Variants in PCDH11Y observed in about 807,000 individuals in gnomAD.
PCDH11Y encodes the protein protocadherin-11 Y-linked.
For synonymous variants in PCDH11Y, 9 were observed against 83.6 expected (o/e 0.11, Z 4.87); for missense variants, 12 against 224.8 (o/e 0.05, Z 6.05).
intron 2 of PCDH11Y, among the ~76,000 whole-genome samples, chrY:5,258,629 T>C: frequency 3.1e-5 from 1 of 32,389 alleles, no homozygotes; most frequent in South Asian, 6.8e-4. Context: ...CCTCTTGTTA[T>C]TGATTTCTAG....
At chrY:5,551,622 A>T in intron 3 of PCDH11Y, among the ~76,000 whole-genome samples, 1 of 32,355 alleles carries the variant, frequency 3.1e-5, no homozygotes, top group Non-Finnish European at 7.6e-5. Context: ...AGAAAACAGC[A>T]GAAGCAGGAA....
intron 3 of PCDH11Y, among the ~76,000 whole-genome samples, chrY:5,041,078 TC>T (rs2052607304): frequency 3.1e-5 from 1 of 32,032 alleles, no homozygotes; most frequent in Non-Finnish European, 7.6e-5. Context: ...TTTTTTTTTT[TC>T]CTTTCTTTTT....
intron 2 of PCDH11Y, among the ~76,000 whole-genome samples, chrY:5,232,400 G>A: frequency 3.1e-5 from 1 of 31,973 alleles, no homozygotes; most frequent in African/African-American, 1.2e-4. Flanking sequence ...GTTAGCAGAC[G>A]ATAAAAGCTG....
intron 2 of PCDH11Y, among the ~76,000 whole-genome samples, chrY:5,113,453 C>T (rs2052804569): frequency 3.2e-5 from 1 of 31,557 alleles, no homozygotes; most frequent in Non-Finnish European, 7.7e-5. Flanking sequence ...CGGAGTTTAC[C>T]ATGAGTTCAG....
At chrY:5,020,735 A>G (rs2052568583) in intron 1 of PCDH11Y, among the ~76,000 whole-genome samples, 3 of 33,813 alleles carry the variant, frequency 8.9e-5, no homozygotes, top group Non-Finnish European at 1.5e-4. Flanking sequence ...TGTGTTCATA[A>G]GTAAATAAAT....
intron 2 of PCDH11Y, among the ~76,000 whole-genome samples, chrY:5,202,226 A>G (rs1602885638): frequency 3.1e-5 from 1 of 32,654 alleles, no homozygotes; most frequent in Non-Finnish European, 7.5e-5. Flanking sequence ...ATAATTTACA[A>G]TGTCATCACC....
In PCDH11Y at chrY:5,635,137, G is replaced by T; in HGVS notation, c.3352+53339G>T. On this transcript the variant is annotated intron_variant, in intron 4 of 4. Transcript: ENST00000400457. The stretch of plus-strand genomic sequence containing the variant: ...AATTGTTCTCTTGAAATGTTATACT[G>T]CTCATGATTCAGTAAATGGGTATAG... Among the ~76,000 whole-genome samples the T allele has an allele frequency of 1.8e-4, 6 of 33,170 alleles. No individual in the cohort carries two copies. The South Asian group carries it at 2.0e-3, about 11-fold the overall frequency. The allele number at this position is 33,170 out of a possible 37,273, so 89.0% of individuals were successfully genotyped here. A position where few individuals can be genotyped will look rare whatever the true frequency, so the allele number is the denominator to read the frequency against.
chrY:5,222,662 A>C, intron 2 of PCDH11Y, among the ~76,000 whole-genome samples: 2 of 32,112 alleles, frequency 6.2e-5, no homozygotes, highest in Non-Finnish European at 1.5e-4. Flanking sequence ...ATGCCCTGCT[A>C]ATCTGTGTAT....
intron 4 of PCDH11Y, among the ~76,000 whole-genome samples, chrY:5,725,014 C>T: frequency 6.0e-5 from 2 of 33,373 alleles, no homozygotes; most frequent in Admixed American, 2.7e-4. Flanking sequence ...GTGGCTGACG[C>T]CTGTAATCCC....
intron 2 of PCDH11Y, among the ~76,000 whole-genome samples, chrY:5,179,155 G>T (rs2052897140): frequency 3.0e-5 from 1 of 33,251 alleles, no homozygotes; most frequent in African/African-American, 1.2e-4. Flanking sequence ...TAATGGGATT[G>T]TTGGGTTAAA....
At chrY:5,423,322 G>T in intron 2 of PCDH11Y, among the ~76,000 whole-genome samples, 1 of 32,875 alleles carries the variant, frequency 3.0e-5, no homozygotes, top group Non-Finnish European at 7.5e-5. Flanking sequence ...GTGCATTGTT[G>T]GTTGGAATGT....
intron 3 of PCDH11Y, among the ~76,000 whole-genome samples, chrY:5,039,643 A>G: frequency 1.2e-4 from 4 of 33,574 alleles, no homozygotes; most frequent in Admixed American, 1.1e-3. Flanking sequence ...TAAAAACCAA[A>G]AAGTCTCCCA....
chrY:5,144,480 T>A, intron 2 of PCDH11Y, among the ~76,000 whole-genome samples: 3 of 32,867 alleles, frequency 9.1e-5, no homozygotes, highest in Non-Finnish European at 2.3e-4. Flanking sequence ...AAACTCTGTA[T>A]CTACAAATGC....
At chrY:5,681,957 A>T (rs1602959465) in intron 4 of PCDH11Y, among the ~76,000 whole-genome samples, 24 of 31,266 alleles carry the variant, frequency 7.7e-4, no homozygotes, top group African/African-American at 2.7e-3. Context: ...AATGCAACCA[A>T]TTTTTTTGCT....
intron 4 of PCDH11Y, among the ~76,000 whole-genome samples, chrY:5,720,260 A>C (rs2124714017): frequency 8.5e-4 from 26 of 30,616 alleles, no homozygotes; most frequent in African/African-American, 3.1e-3. Flanking sequence ...ATGTGAGGAC[A>C]TGAGATTTGG....
intron 2 of PCDH11Y, among the ~76,000 whole-genome samples, chrY:5,413,716 G>C: frequency 3.0e-5 from 1 of 32,975 alleles, no homozygotes; most frequent in African/African-American, 1.2e-4. Context: ...CTGTGAATCT[G>C]TCTGGTTCTG....
chrY:5,072,178 G>A (rs2124630838), intron 1 of PCDH11Y, among the ~76,000 whole-genome samples: 1 of 31,238 alleles, frequency 3.2e-5, no homozygotes, highest in African/African-American at 1.2e-4. Flanking sequence ...GGCTGCTCAC[G>A]GATTGAAAAC....
intron 4 of PCDH11Y, among the ~76,000 whole-genome samples, chrY:5,647,773 G>C: frequency 3.0e-5 from 1 of 33,444 alleles, no homozygotes; most frequent in Non-Finnish European, 7.4e-5. Flanking sequence ...TCCCAAAAGT[G>C]CTGGGATTAC....
intron 2 of PCDH11Y, among the ~76,000 whole-genome samples, chrY:5,433,002 A>C: frequency 3.0e-5 from 1 of 33,285 alleles, no homozygotes; most frequent in Non-Finnish European, 7.4e-5. Context: ...AAAAACCATA[A>C]AGGAAATCCA....
Sources: allele counts gnomAD v4.1 joint callset (sites outside exome capture counted in the v4.1 genomes callset), GRCh38; gene constraint gnomAD v4.1.1; transcripts MANE v1.5; gene names NCBI Gene and HGNC (gene_info 2026-07-23, HGNC 2026-07-21).